The following CEP112 variants were observed in gnomAD, a reference collection of about 807,000 sequenced individuals.
CEP112 encodes centrosomal protein 112.
CEP112 carries 127 observed loss-of-function variants against 153.0 expected under a neutral mutation model. The ratio of observed to expected loss-of-function variants is 0.83; its 90% CI spans 0.72 to 0.96. The LOEUF is 0.96. CEP112 is among the 40% of genes least tolerant of loss of function. The pLI is 0.00. For missense variants in CEP112, 1,089 were observed against 1,101.2 expected (o/e 0.99, Z 0.16); for synonymous variants, 358 against 374.4 (o/e 0.96, Z 0.51).
At chr17:66,132,520 C>T in intron 5 of CEP112, 150 bp downstream of exon 5, 1 of 652,354 alleles carries the variant, frequency 1.5e-6, no homozygotes, top group Non-Finnish European at 2.7e-6. Flanking sequence ...AAACACCCCA[C>T]CTTCTTTAAC....
chr17:66,034,150 A>G (rs1378238533), intron 12 of CEP112, among the ~76,000 whole-genome samples: 1 of 152,198 alleles, frequency 6.6e-6, no homozygotes, highest in African/African-American at 2.4e-5. Context: ...TAAAAACAGG[A>G]TAACTGCTAA....
At chr17:65,675,848 A>G (rs73336835) in intron 24 of CEP112, among the ~76,000 whole-genome samples, 2,244 of 152,156 alleles carry the variant, frequency 0.015, 59 homozygotes, top group African/African-American at 0.051. Flanking sequence ...ATAAGAAACA[A>G]AATTCATATG....
chr17:65,780,418 C>G (rs1168305207), intron 21 of CEP112, among the ~76,000 whole-genome samples: 1 of 152,022 alleles, frequency 6.6e-6, no homozygotes, highest in Non-Finnish European at 1.5e-5. Context: ...GAAATACAAA[C>G]TTTAAGAGAA....
At chr17:65,938,264 A>T (rs1278402309) in intron 18 of CEP112, among the ~76,000 whole-genome samples, 1 of 142,920 alleles carries the variant, frequency 7.0e-6, no homozygotes, top group Non-Finnish European at 1.5e-5. Flanking sequence ...TCAAGTACCC[A>T]GGGACACAAA....
intron 20 of CEP112, among the ~76,000 whole-genome samples, chr17:65,860,217 G>T (rs1039846592): frequency 1.3e-5 from 2 of 151,388 alleles, no homozygotes; most frequent in African/African-American, 4.9e-5. Context: ...AACAAACAAA[G>T]AATCTTAGAA....
At chr17:66,091,591 G>C (rs527569851) in intron 8 of CEP112, among the ~76,000 whole-genome samples, 4 of 152,130 alleles carry the variant, frequency 2.6e-5, no homozygotes, top group South Asian at 4.1e-4. Context: ...CAAAACAGGA[G>C]ATCTCAAATA....
intron 24 of CEP112, among the ~76,000 whole-genome samples, chr17:65,665,525 T>G (rs1476617762): frequency 6.6e-6 from 1 of 152,198 alleles, no homozygotes; most frequent in African/African-American, 2.4e-5. Context: ...GAACAGAACT[T>G]TCTCTTTTCT....
intron 21 of CEP112, among the ~76,000 whole-genome samples, chr17:65,774,102 G>A (rs1309858080): frequency 1.6e-5 from 2 of 125,786 alleles, no homozygotes; most frequent in Non-Finnish European, 3.3e-5. Flanking sequence ...AAAAAAAAAA[G>A]TCCATTTTTG....
In CEP112 at chr17:65,950,066, T is replaced by C. The variant is rs569865880; in HGVS notation, c.1872+11397A>G. ...CTTAGAAGTAGAATCAACAGGTAAA[T>C]GGAGACACAGTGTTAAAATGATCCT... is the stretch of plus-strand genomic sequence containing the variant. On this transcript the variant is annotated intron_variant, in intron 18 of 26. Coordinates refer to ENST00000535342, the MANE Select transcript of CEP112 (RefSeq NM_001199165.4). 1.3e-3 allele frequency among the ~76,000 whole-genome samples: 194 copies of C among 152,202 alleles called. 2 individuals are homozygous for C. The highest frequency in any genetic ancestry group is 4.4e-3 in the African/African-American group (184 of 41,524).
intron 24 of CEP112, among the ~76,000 whole-genome samples, chr17:65,658,190 T>C (rs2046156233): frequency 6.6e-6 from 1 of 152,314 alleles, no homozygotes. Context: ...AGAACCACGA[T>C]TGAAACCTGA....
chr17:65,782,318 G>A (rs2054040928), intron 21 of CEP112, among the ~76,000 whole-genome samples: 1 of 152,072 alleles, frequency 6.6e-6, no homozygotes, highest in South Asian at 2.1e-4. Context: ...CAGTCAGAAT[G>A]GCTATTACTA....
At chr17:65,970,504 T>C (rs374552506) in intron 17 of CEP112, among the ~76,000 whole-genome samples, 1 of 151,300 alleles carries the variant, frequency 6.6e-6, no homozygotes, top group Non-Finnish European at 1.5e-5. Flanking sequence ...ACATGCATAT[T>C]ATATGCATGC....
chr17:65,908,361 G>T (rs1189628619), intron 19 of CEP112, among the ~76,000 whole-genome samples: 1 of 152,090 alleles, frequency 6.6e-6, no homozygotes, highest in Non-Finnish European at 1.5e-5. Flanking sequence ...GAAAATACTG[G>T]GTTGACTCAT....
chr17:65,770,928 T>TAA lies in CEP112; in HGVS notation c.2395-20206_2395-20205dup, dbSNP rs34049976. On this transcript the variant is annotated intron_variant, in intron 21 of 26. Transcript: ENST00000535342. ...TGGGCAACAGAGCAAGACTCCGTCT[T>TAA]AAAAAAAAAAAAAAAAGAAATAATT... Among the ~76,000 whole-genome samples the TAA allele has an allele frequency of 3.3e-3, 413 of 124,294 alleles. 12 individuals are homozygous for TAA. The highest frequency in any genetic ancestry group is 8.8e-3 in the Middle Eastern group (2 of 226). The allele number at this position is 124,294 out of a possible 152,430, so 81.5% of individuals were successfully genotyped here. A position where few individuals can be genotyped will look rare whatever the true frequency, so the allele number is the denominator to read the frequency against.
At chr17:65,750,757 G>C in intron 21 of CEP112, 33 bp from the exon 22 acceptor site, 1 of 1,599,080 alleles carries the variant, frequency 6.3e-7, no homozygotes, top group Non-Finnish European at 8.6e-7. Flanking sequence ...CACATACACA[G>C]TGACCTGTGA....
chr17:65,792,502 T>C (rs1418040272), intron 21 of CEP112, among the ~76,000 whole-genome samples: 1 of 152,124 alleles, frequency 6.6e-6, no homozygotes. Context: ...CATACCGATG[T>C]CTCTTTCTCA....
Position 66,186,197 on chromosome 17 carries a change from C to T in CEP112, c.-8-2890G>A, listed in dbSNP as rs144960223. On this transcript the variant is annotated intron_variant, in intron 1 of 26. Transcript: ENST00000535342. ...CCAAAATCCCTCATGAGGCTCAACG[C>T]TCCAACCATCTGACTACCATGTACT... Among the ~76,000 whole-genome samples, 609 of 152,274 alleles carry T rather than the reference C, an allele frequency of 4.0e-3. 3 individuals are homozygous for T. Among genetic ancestry groups the T allele is most frequent in the African/African-American group, 0.014 (583 of 41,554 alleles).
intron 17 of CEP112, among the ~76,000 whole-genome samples, chr17:66,000,774 A>G (rs767183079): frequency 6.6e-6 from 1 of 152,204 alleles, no homozygotes; most frequent in East Asian, 1.9e-4. Flanking sequence ...GTGCAGGGCA[A>G]GCCTGAACAT....
intron 11 of CEP112, among the ~76,000 whole-genome samples, chr17:66,057,519 A>AT (rs1253050473): frequency 2.0e-5 from 3 of 152,110 alleles, no homozygotes; most frequent in Non-Finnish European, 4.4e-5. Flanking sequence ...CCAAGGAGAG[A>AT]TTTTAAATAG....
Sources: allele counts gnomAD v4.1 joint callset (sites outside exome capture counted in the v4.1 genomes callset), GRCh38; gene constraint gnomAD v4.1.1; transcripts MANE v1.5; gene names NCBI Gene and HGNC (gene_info 2026-07-23, HGNC 2026-07-21).